The following XRN1 variants were observed in gnomAD, a reference collection of about 807,000 sequenced individuals.
XRN1 encodes the protein 5'-3' exoribonuclease 1, also known as strand-exchange protein 1 homolog.
Under a neutral mutation model 222.3 loss-of-function variants are expected in XRN1, and 67 were observed. The ratio of observed to expected loss-of-function variants is 0.30; its 90% CI spans 0.25 to 0.37. The LOEUF (loss-of-function observed/expected upper bound fraction) is 0.37, where lower values mean the gene tolerates loss of function less well. Ranked by LOEUF, XRN1 falls within the 10% of genes least tolerant of loss-of-function variation. The pLI is 1.00. For missense variants in XRN1, 1,707 were observed against 2,000.2 expected (o/e 0.85, Z 2.80); for synonymous variants, 643 against 652.4 (o/e 0.99, Z 0.22).
At chr3:142,340,842 A>T (rs116196326) in intron 33 of XRN1, among the ~76,000 whole-genome samples, 18,197 of 152,220 alleles carry the variant, frequency 0.12, 1,129 homozygotes, top group Non-Finnish European at 0.14. Flanking sequence ...TCCTTCAAAC[A>T]TGAAGGAGAA....
intron 1 of XRN1, among the ~76,000 whole-genome samples, chr3:142,446,476 C>G (rs144526668): frequency 5.2e-4 from 79 of 152,290 alleles, no homozygotes; most frequent in African/African-American, 1.9e-3. Context: ...GATTTTCATT[C>G]TTCAGTAACA....
intron 3 of XRN1, among the ~76,000 whole-genome samples, chr3:142,426,375 C>G (rs560343201): frequency 8.2e-4 from 125 of 152,232 alleles, no homozygotes; most frequent in Non-Finnish European, 1.5e-3. Context: ...CTCTGACTAC[C>G]ACAATCTAGC....
intron 18 of XRN1, among the ~76,000 whole-genome samples, chr3:142,402,127 T>C (rs2068161769): frequency 1.3e-5 from 2 of 152,136 alleles, no homozygotes; most frequent in African/African-American, 4.8e-5. Context: ...TTGAATATCC[T>C]TCTCTCTCTC....
chr3:142,443,371 C>T (rs1242794878), intron 1 of XRN1, among the ~76,000 whole-genome samples: 1 of 152,180 alleles, frequency 6.6e-6, no homozygotes, highest in African/African-American at 2.4e-5. Flanking sequence ...GACTAAGAAT[C>T]CCTAAGCCTA....
At chr3:142,376,000 A>G in intron 24 of XRN1, 56 bp from the exon 25 acceptor site, 1 of 1,486,296 alleles carries the variant, frequency 6.7e-7, no homozygotes. Flanking sequence ...ACACACACAC[A>G]CGAGTTTTAA....
chr3:142,407,735 T>A (rs2068399891), intron 15 of XRN1: 1 of 151,838 alleles, frequency 6.6e-6, no homozygotes, highest in East Asian at 1.9e-4. Flanking sequence ...TCATTCCAGT[T>A]TTTTTTTTAA....
chr3:142,430,616 C>A (rs562465260), intron 2 of XRN1, among the ~76,000 whole-genome samples: 6 of 152,288 alleles, frequency 3.9e-5, no homozygotes, highest in African/African-American at 1.4e-4. Flanking sequence ...CTTCCTCTCA[C>A]CGGCAGCCTT....
chr3:142,382,998 T>C (rs1178583794), intron 22 of XRN1, among the ~76,000 whole-genome samples: 1 of 151,758 alleles, frequency 6.6e-6, no homozygotes, highest in African/African-American at 2.4e-5. Context: ...ATGTCTAAAA[T>C]AGTTACAAAA....
At chr3:142,406,012 T>C (rs1290536349) in intron 15 of XRN1, among the ~76,000 whole-genome samples, 1 of 151,944 alleles carries the variant, frequency 6.6e-6, no homozygotes, top group East Asian at 1.9e-4. Flanking sequence ...ACAGATGTGA[T>C]ACTGGGGAAA....
Position 142,307,527 on chromosome 3 carries a change from T to C in XRN1, c.*3984A>G, listed in dbSNP as rs372652803. ...ACACACACACAAAAGCAGCTACAGA[T>C]AGTTGACATTTTGGACTACTAAAAC... On this transcript the variant is annotated 3_prime_UTR_variant, in exon 41 of 41. Coordinates refer to ENST00000392981, the MANE Select transcript of XRN1 (RefSeq NM_001282857.2). 1 of 152,202 alleles carries C rather than the reference T, an allele frequency of 6.6e-6. No individual in the cohort carries two copies. Among genetic ancestry groups the C allele is most frequent in the Non-Finnish European group, 1.5e-5 (1 of 68,024 alleles). The allele number at this position is 152,202 out of a possible 1,614,324, so 9.4% of individuals were successfully genotyped here.
At chr3:142,348,931 T>TCTAA (rs2066229090) in intron 32 of XRN1, among the ~76,000 whole-genome samples, 2 of 148,032 alleles carry the variant, frequency 1.4e-5, no homozygotes, top group Non-Finnish European at 3.0e-5. Flanking sequence ...TGAGCCACTG[T>TCTAA]GCCCAGCCCA....
rs1382578150 is a variant in XRN1, at chr3:142,312,753, T to C, written c.4627A>G (p.Ile1543Val). The C allele has an allele frequency of 6.2e-7, 1 of 1,600,694 alleles. No individual in the cohort carries two copies. The highest frequency in any genetic ancestry group is 8.5e-7 in the Non-Finnish European group (1 of 1,174,618). The change falls in exon 40 of 41, where the codon ATA (isoleucine) becomes GTA (valine). Residue 1543 changes from isoleucine to valine, a missense_variant. Physicochemically the swap from Ile to Val is conservative, Grantham distance 29. This residue lies in a region of XRN1 where 473 missense variants were observed against 482.0 expected (regional missense o/e 0.98). Transcript: ENST00000392981. ...PPAFPPPTAN[I>V]MPSSSHLFGS... ...AAGAGATGAGACGACGAAGGCATTA[T>C]ATTAGCTGTTAAAAACCAAGGAAAA...
intron 37 of XRN1, 49 bp downstream of exon 37, chr3:142,329,385 A>C (rs2065625842): frequency 1.6e-6 from 2 of 1,261,466 alleles, no homozygotes; most frequent in Non-Finnish European, 2.1e-6. Flanking sequence ...CAATTTATTT[A>C]AGCTTAATGT....
chr3:142,313,352 T>C (rs1378211571), intron 39 of XRN1, among the ~76,000 whole-genome samples: 1 of 152,192 alleles, frequency 6.6e-6, no homozygotes, highest in Non-Finnish European at 1.5e-5. Context: ...TCTGAATCAC[T>C]TGAGGAGTTT....
chr3:142,319,881 T>C (rs2065304019), intron 37 of XRN1, among the ~76,000 whole-genome samples: 1 of 151,860 alleles, frequency 6.6e-6, no homozygotes, highest in African/African-American at 2.4e-5. Flanking sequence ...GGTGTGTGTA[T>C]AGGATAGTAG....
intron 1 of XRN1, among the ~76,000 whole-genome samples, chr3:142,434,026 G>A (rs1288731323): frequency 6.6e-6 from 1 of 152,218 alleles, no homozygotes; most frequent in African/African-American, 2.4e-5. Context: ...AGGCTGAACT[G>A]AAATGACAGT....
chr3:142,359,936 T>TA lies in XRN1; in HGVS notation c.3395-6dup. 1 of 1,578,758 alleles carries TA rather than the reference T, an allele frequency of 6.3e-7. No individual in the cohort carries two copies. The highest frequency in any genetic ancestry group is 8.6e-7 in the Non-Finnish European group (1 of 1,162,288). On this transcript the variant is annotated splice_region_variant and splice_polypyrimidine_tract_variant and intron_variant, in intron 29 of 40. Transcript: ENST00000392981. The stretch of plus-strand genomic sequence containing the variant: ...GTACATCGGCTTCTCTATTAGCTGT[T>TA]ACAATAGGGAGAGAAAAAGAGACAC...
chr3:142,442,482 A>C lies in XRN1; in HGVS notation c.75+5388T>G, dbSNP rs149645877. Among the ~76,000 whole-genome samples, 780 of 152,352 alleles carry C rather than the reference A, an allele frequency of 5.1e-3. 9 individuals are homozygous for C. The highest frequency in any genetic ancestry group is 0.018 in the African/African-American group (758 of 41,574). On this transcript the variant is annotated intron_variant, in intron 1 of 40. Coordinates refer to ENST00000392981, the MANE Select transcript of XRN1 (RefSeq NM_001282857.2). ...AGAATGGGGAAGCTCACGAGGACATAGTTTCCTCCCCTCAGGATGGCTAGC... is the reference window on the plus strand; with the variant it reads ...AGAATGGGGAAGCTCACGAGGACATCGTTTCCTCCCCTCAGGATGGCTAGC...
intron 39 of XRN1, among the ~76,000 whole-genome samples, chr3:142,316,719 A>G (rs1302280928): frequency 6.6e-6 from 1 of 151,986 alleles, no homozygotes; most frequent in Non-Finnish European, 1.5e-5. Context: ...TGGTTTCCTA[A>G]TTTTCTTTTA....
Sources: gnomAD v4.1 joint callset for allele counts (sites outside exome capture counted in the v4.1 genomes callset) on GRCh38, gnomAD v4.1.1 for gene constraint, gnomAD v4.1.1 regional missense constraint, MANE v1.5 for transcripts, NCBI Gene and HGNC (gene_info 2026-07-23, HGNC 2026-07-21) for gene names.